Variants in PPP2R5C observed in about 807,000 individuals in gnomAD.
PPP2R5C encodes the protein serine/threonine-protein phosphatase 2A 56 kDa regulatory subunit gamma isoform.
A neutral mutation model predicts 68.9 loss-of-function variants in PPP2R5C; 7 were observed. The ratio of observed to expected loss-of-function variants is 0.10; its 90% CI spans 0.06 to 0.19. PPP2R5C has a LOEUF of 0.19. Among genes scored for constraint, PPP2R5C ranks in the 10% least tolerant of loss-of-function variants. The pLI, the probability that PPP2R5C is intolerant of heterozygous loss-of-function variation, is 1.00. For missense variants in PPP2R5C, 348 were observed against 641.3 expected, an observed-to-expected ratio of 0.54 and a Z score of 4.94; for synonymous variants, 210 against 222.2, an observed-to-expected ratio of 0.95 and a Z score of 0.49.
intron 1 of PPP2R5C, among the ~76,000 whole-genome samples, chr14:101,841,871 C>G (rs2041495212): frequency 6.6e-6 from 1 of 152,196 alleles, no homozygotes; most frequent in Non-Finnish European, 1.5e-5. Context: ...TAGGCTTAGT[C>G]TGGAAGGTGG....
chr14:101,884,573 G>T lies in PPP2R5C; in HGVS notation c.629+1011G>T, dbSNP rs536449064. The stretch of plus-strand genomic sequence containing the variant: ...TTGGAGACTCCCACTGTGCACCAGG[G>T]GAGGGAAAGCCCCGCTGGAGCAGCC... On this transcript the variant is annotated intron_variant, in intron 5 of 13. Coordinates refer to ENST00000334743, the Ensembl canonical transcript of PPP2R5C. Among the ~76,000 whole-genome samples, 121 of 152,362 alleles carry T rather than the reference G, an allele frequency of 7.9e-4. 1 individual carries two copies. Among genetic ancestry groups the T allele is most frequent in the African/African-American group, 2.9e-3 (119 of 41,592 alleles).
At chr14:101,904,109 A>G (rs538515654) in intron 9 of PPP2R5C, among the ~76,000 whole-genome samples, 1 of 152,202 alleles carries the variant, frequency 6.6e-6, no homozygotes, top group East Asian at 1.9e-4. Context: ...ACCCCCAAAT[A>G]TATTGGTGGG....
At chr14:101,830,935 G>A (rs530336339) in intron 1 of PPP2R5C, among the ~76,000 whole-genome samples, 1 of 152,170 alleles carries the variant, frequency 6.6e-6, no homozygotes, top group Non-Finnish European at 1.5e-5. Context: ...TTACCGTCAC[G>A]GCAGCATTTG....
At chr14:101,818,883 G>A (rs764891083) in intron 1 of PPP2R5C, 32 of 854,196 alleles carry the variant, frequency 3.7e-5, no homozygotes, top group African/African-American at 5.1e-5. Context: ...ATGTGACCTC[G>A]TTATAATACA....
intron 10 of PPP2R5C, among the ~76,000 whole-genome samples, chr14:101,909,167 C>T (rs1566962156): frequency 1.3e-5 from 2 of 152,316 alleles, no homozygotes; most frequent in South Asian, 2.1e-4. Flanking sequence ...TCTTTCAAAG[C>T]TCTGTGTTGC....
At position 101,915,649 on chromosome 14, in the gene PPP2R5C, A is replaced by G. The variant is rs553109726; in HGVS notation, c.1327-2182A>G. Reference sequence around the variant, plus strand: ...GTCTTGCAGCCACTTAGGTTTCTGTATCTCCCACCTGACTGTGAGCCCCCT... The same window carrying G: ...GTCTTGCAGCCACTTAGGTTTCTGTGTCTCCCACCTGACTGTGAGCCCCCT... On this transcript the variant is annotated intron_variant, in intron 12 of 13. Coordinates refer to ENST00000334743, the Ensembl canonical transcript of PPP2R5C. The surrounding 1 kb of genome is among the most constrained non-coding windows in gnomAD (Gnocchi z 4.2). Among the ~76,000 whole-genome samples, 5 of 152,288 alleles carry G rather than the reference A, an allele frequency of 3.3e-5. No individual in the cohort carries two copies. In the South Asian group the frequency reaches 1.0e-3, roughly 32 times the overall value.
chr14:101,875,978 C>T (rs1309787801), intron 2 of PPP2R5C, among the ~76,000 whole-genome samples: 2 of 152,088 alleles, frequency 1.3e-5, no homozygotes, highest in South Asian at 2.1e-4. Context: ...CTGGAGTCTT[C>T]GTCTCTGTTT....
upstream of PPP2R5C, chr14:101,761,807 G>A (rs1378362022): frequency 5.1e-6 from 5 of 973,208 alleles, no homozygotes; most frequent in African/African-American, 5.5e-5. Flanking sequence ...GGCGGCCGCG[G>A]GGGCGCGACG....
chr14:101,906,591 A>C lies in PPP2R5C; in HGVS notation c.1151+62A>C. 6.7e-7 allele frequency: 1 copy of C among 1,503,740 alleles called. No homozygotes were observed. Among genetic ancestry groups the C allele is most frequent in the Non-Finnish European group, 9.0e-7 (1 of 1,111,602 alleles). The allele number at this position is 1,503,740 out of a possible 1,614,324, so 93.1% of individuals were successfully genotyped here. A position where few individuals can be genotyped will look rare whatever the true frequency, so the allele number is the denominator to read the frequency against. On this transcript the variant is annotated intron_variant, in intron 10 of 13. Coordinates refer to ENST00000334743, the Ensembl canonical transcript of PPP2R5C. This position sits in a 1 kb window ranked among gnomAD's most constrained non-coding sequence, Gnocchi z 4.0. ...TTAAAATATGGCACGTTTTACTGCT[A>C]CTTCAGTAAGAATAAATATCAGAAT...
rs2044877800 is a variant in PPP2R5C, at chr14:101,891,198, T to C, written c.689+902T>C. 6.6e-6 allele frequency among the ~76,000 whole-genome samples: 1 copy of C among 152,124 alleles called. No individual in the cohort carries two copies. The highest frequency in any genetic ancestry group is 6.5e-5 in the Admixed American group (1 of 15,278). ...TTTTTCCTGCACCTTTTTAGGGATG[T>C]AGTGTAGATGGGCAGTTCCGGGTTC... On this transcript the variant is annotated intron_variant, in intron 6 of 13. Coordinates refer to ENST00000334743, the Ensembl canonical transcript of PPP2R5C. The surrounding 1 kb of genome is among the most constrained non-coding windows in gnomAD (Gnocchi z 4.9).
intron 6 of PPP2R5C, among the ~76,000 whole-genome samples, chr14:101,890,878 T>C (rs1451573432): frequency 6.7e-6 from 1 of 150,310 alleles, no homozygotes; most frequent in African/African-American, 2.4e-5. Context: ...GTTCAAACGA[T>C]TCTGCTGCCT....
At chr14:101,780,553 G>A (rs963044052) in intron 2 of PPP2R5C, among the ~76,000 whole-genome samples, 1 of 152,136 alleles carries the variant, frequency 6.6e-6, no homozygotes, top group African/African-American at 2.4e-5. Context: ...TGGCTCGACT[G>A]CCCGGTGCTG....
In PPP2R5C at chr14:101,797,334, C is replaced by T. The variant is rs2038661994; in HGVS notation, c.259+11151C>T. 2.2e-6 allele frequency: 1 copy of T among 455,640 alleles called. No individual in the cohort carries two copies. The highest frequency in any genetic ancestry group is 2.0e-5 in the African/African-American group (1 of 50,056). 28.2% of individuals were successfully genotyped at this position (455,640 alleles called of 1,614,324 possible). On this transcript the variant is annotated intron_variant, in intron 3 of 14. Coordinates refer to the PPP2R5C transcript ENST00000328724. The surrounding 1 kb of genome is among the most constrained non-coding windows in gnomAD (Gnocchi z 4.2). The stretch of plus-strand genomic sequence containing the variant: ...AATCAGTGGATGGACGCGTGGGTTG[C>T]AGAGCACGCCACACACATTCAGTCA...
At chr14:101,769,900 A>G (rs150806858) in intron 2 of PPP2R5C, among the ~76,000 whole-genome samples, 1 of 152,254 alleles carries the variant, frequency 6.6e-6, no homozygotes, top group African/African-American at 2.4e-5. Flanking sequence ...TTGTTTTGTA[A>G]ACATGATGGC....
rs1018849698 is a variant in PPP2R5C, at chr14:101,891,142, A to G, written c.689+846A>G. ...AACCCACTGTTTCCCAGAGTTCCTC[A>G]GGGTCCCATGGTTAGTAAGTGTGGA... On this transcript the variant is annotated intron_variant, in intron 6 of 13. Coordinates refer to ENST00000334743, the Ensembl canonical transcript of PPP2R5C. This position sits in a 1 kb window ranked among gnomAD's most constrained non-coding sequence, Gnocchi z 4.9. Among the ~76,000 whole-genome samples the G allele has an allele frequency of 2.0e-5, 3 of 152,236 alleles. No individual in the cohort carries two copies. Among genetic ancestry groups the G allele is most frequent in the South Asian group, 2.1e-4 (1 of 4,818 alleles).
chr14:101,774,066 T>G (rs890251272), intron 2 of PPP2R5C, among the ~76,000 whole-genome samples: 2 of 152,192 alleles, frequency 1.3e-5, no homozygotes, highest in Non-Finnish European at 2.9e-5. Context: ...TAAGAGGATC[T>G]TCCTAGCTGC....
upstream of PPP2R5C, among the ~76,000 whole-genome samples, chr14:101,806,267 AC>A (rs201531383): frequency 0.013 from 1,556 of 121,330 alleles, 30 homozygotes; most frequent in African/African-American, 0.046. Context: ...CCTGTCCCCC[AC>A]CCCCCGACAG....
rs1053229263 is a variant in PPP2R5C, at chr14:101,817,329, C to T, written c.94+7293C>T. 2.0e-5 allele frequency among the ~76,000 whole-genome samples: 3 copies of T among 152,040 alleles called. 1 individual carries two copies. Among genetic ancestry groups the T allele is most frequent in the Non-Finnish European group, 4.4e-5 (3 of 68,008 alleles). ...CAATATTCTCTGGTGAAGGAAATATCTTTAAAAAGGGTCTGCTTTGGAAAA... is the reference window on the plus strand; with the variant it reads ...CAATATTCTCTGGTGAAGGAAATATTTTTAAAAAGGGTCTGCTTTGGAAAA... On this transcript the variant is annotated intron_variant, in intron 1 of 13. Coordinates refer to ENST00000334743, the Ensembl canonical transcript of PPP2R5C.
upstream of PPP2R5C, among the ~76,000 whole-genome samples, chr14:101,807,410 C>CT (rs2039119618): frequency 6.6e-6 from 1 of 152,132 alleles, no homozygotes; most frequent in Non-Finnish European, 1.5e-5. Context: ...ACTTGCCTTT[C>CT]TCATTAGTAG....
Sources: allele counts gnomAD v4.1 joint callset (sites outside exome capture counted in the v4.1 genomes callset), GRCh38; gene constraint gnomAD v4.1.1; non-coding constraint Gnocchi (gnomAD v3.1); transcripts MANE v1.5; gene names NCBI Gene and HGNC (gene_info 2026-07-23, HGNC 2026-07-21).